DGLUCY: variants seen among roughly 807,000 people sequenced by gnomAD.
DGLUCY encodes D-glutamate cyclase, mitochondrial.
DGLUCY carries 58 observed loss-of-function variants against 58.5 expected under a neutral mutation model. That is an observed-to-expected ratio of 0.99 (90% CI 0.80 to 1.23). The LOEUF (loss-of-function observed/expected upper bound fraction) is 1.23. Among genes scored for constraint, DGLUCY ranks in the 50% most tolerant of loss-of-function variants. The pLI is 0.00. For synonymous variants in DGLUCY, 325 were observed against 314.1 expected (o/e 1.03, Z -0.37); for missense variants, 779 against 784.7 (o/e 0.99, Z 0.09).
At chr14:91,116,145 G>A (rs901037861) in intron 1 of DGLUCY, among the ~76,000 whole-genome samples, 37 of 152,114 alleles carry the variant, frequency 2.4e-4, no homozygotes, top group African/African-American at 7.5e-4. Flanking sequence ...CTTTCCAGGC[G>A]ATCTGCCAAG....
At position 91,114,136 on chromosome 14, in the gene DGLUCY, C is replaced by G. The variant is rs1341512792; in HGVS notation, c.-229C>G. 6.6e-6 allele frequency: 1 copy of G among 152,332 alleles called. No individual in the cohort carries two copies. Among genetic ancestry groups the G allele is most frequent in the East Asian group, 1.9e-4 (1 of 5,208 alleles). The allele number at this position is 152,332 out of a possible 1,614,324, so 9.4% of individuals were successfully genotyped here. A position where few individuals can be genotyped will look rare whatever the true frequency, so the allele number is the denominator to read the frequency against. On this transcript the variant is annotated 5_prime_UTR_variant, in exon 1 of 14. Transcript: ENST00000256324. ...TGGGGCTGGCCTCAGCTTGTAGACC[C>G]GAGCCCTGCAGAACAACCCCCCGTG...
At chr14:91,120,722 T>C (rs2045305859) in intron 1 of DGLUCY, among the ~76,000 whole-genome samples, 1 of 152,172 alleles carries the variant, frequency 6.6e-6, no homozygotes, top group Non-Finnish European at 1.5e-5. Flanking sequence ...TGATAATTAT[T>C]TGTGATTCCT....
At chr14:91,131,874 G>A (rs2046042916) in intron 1 of DGLUCY, among the ~76,000 whole-genome samples, 1 of 152,136 alleles carries the variant, frequency 6.6e-6, no homozygotes, top group Non-Finnish European at 1.5e-5. Flanking sequence ...TCAGCTCACT[G>A]CAACCTCTGC....
chr14:91,187,367 C>A (rs908993311), intron 8 of DGLUCY, among the ~76,000 whole-genome samples: 1 of 152,204 alleles, frequency 6.6e-6, no homozygotes, highest in Non-Finnish European at 1.5e-5. Flanking sequence ...CCCTTCAGTC[C>A]ACTGCTGATT....
At chr14:91,161,129 G>T (rs879668876) in intron 3 of DGLUCY, among the ~76,000 whole-genome samples, 1 of 152,220 alleles carries the variant, frequency 6.6e-6, no homozygotes, top group Non-Finnish European at 1.5e-5. Context: ...GCAGTGATGC[G>T]ATCTGGGCTC....
chr14:91,088,251 T>C (rs1056414100), intron 1 of DGLUCY, among the ~76,000 whole-genome samples: 3 of 152,114 alleles, frequency 2.0e-5, no homozygotes, highest in East Asian at 1.9e-4. Context: ...GTAAAAGATA[T>C]GTGAAAAGGG....
At chr14:91,102,078 T>G (rs564148060) in intron 1 of DGLUCY, among the ~76,000 whole-genome samples, 66 of 152,250 alleles carry the variant, frequency 4.3e-4, no homozygotes, top group African/African-American at 1.5e-3. Context: ...GTGGTAGATA[T>G]CTCAGTTACC....
chr14:91,145,465 T>C (rs1028287300), intron 1 of DGLUCY, among the ~76,000 whole-genome samples: 1 of 152,194 alleles, frequency 6.6e-6, no homozygotes, highest in African/African-American at 2.4e-5. Flanking sequence ...GAGACACTGA[T>C]GAATGCATCT....
rs769302026 is a variant in DGLUCY, at chr14:91,167,360, G to T, written c.239G>T (p.Gly80Val). Residue 80 changes from glycine (G) to valine (V), a missense_variant, in exon 4 of 14, where the codon GGT becomes GTT. Transcript: ENST00000256324. Reference protein sequence around the residue: ...EPEKWMLPPQGAISETRMGHP... With the variant: ...EPEKWMLPPQVAISETRMGHP... ...GAAAAGTGGATGCTGCCCCCTCAAG[G>T]TGCTATCTCAGAGACCAGGTAAAAA... 1.9e-6 allele frequency: 3 copies of T among 1,614,108 alleles called. No individual in the cohort carries two copies. The highest frequency in any genetic ancestry group is 2.5e-6 in the Non-Finnish European group (3 of 1,180,022).
In DGLUCY at chr14:91,062,440, C is replaced by T. The variant is rs1011460730; in HGVS notation, c.-82+1736C>T. 2.0e-5 allele frequency among the ~76,000 whole-genome samples: 3 copies of T among 150,052 alleles called. No individual in the cohort carries two copies. The South Asian group carries it at 6.3e-4, about 32-fold the overall frequency. ...GTGGGCGCCTGTAATCCCAGCTACT[C>T]AGGAAGCTGAGGCAGGAGAATTGCT... On this transcript the variant is annotated intron_variant, in intron 1 of 4. Coordinates refer to the DGLUCY transcript ENST00000521334.
chr14:91,190,177 C>T (rs1403192986), intron 9 of DGLUCY, among the ~76,000 whole-genome samples: 4 of 151,334 alleles, frequency 2.6e-5, no homozygotes, highest in East Asian at 1.9e-4. Flanking sequence ...TTAGTAGAGA[C>T]GGGGTTTCAC....
intron 1 of DGLUCY, among the ~76,000 whole-genome samples, chr14:91,115,776 T>C (rs2044893976): frequency 6.6e-6 from 1 of 152,212 alleles, no homozygotes; most frequent in African/African-American, 2.4e-5. Context: ...GGCCAACTGG[T>C]GGCCCCTGAC....
intron 1 of DGLUCY, among the ~76,000 whole-genome samples, chr14:91,074,112 TATATATAC>T (rs1390748198): frequency 4.9e-5 from 3 of 60,708 alleles, no homozygotes; most frequent in African/African-American, 1.7e-4. Context: ...AAAATATATA[TATATATAC>T]ACACACACAC....
exon 1 of DGLUCY, chr14:91,060,362 G>C (rs770267401): frequency 6.7e-7 from 1 of 1,495,996 alleles, no homozygotes; most frequent in Non-Finnish European, 9.0e-7. Flanking sequence ...ACAGTGAGGA[G>C]CTGCTCTCCT....
intron 3 of DGLUCY, among the ~76,000 whole-genome samples, chr14:91,163,763 T>C (rs2048122083): frequency 6.6e-6 from 1 of 152,202 alleles, no homozygotes. Context: ...TTCATCTCTC[T>C]GAGCCTCGTT....
chr14:91,091,791 A>T (rs1346900961), intron 1 of DGLUCY, among the ~76,000 whole-genome samples: 1 of 152,136 alleles, frequency 6.6e-6, no homozygotes, highest in African/African-American at 2.4e-5. Context: ...TAATGACTGT[A>T]TCCGGGAATG....
At chr14:91,197,029 C>T (rs766115768) in intron 10 of DGLUCY, among the ~76,000 whole-genome samples, 3 of 152,066 alleles carry the variant, frequency 2.0e-5, no homozygotes, top group Non-Finnish European at 2.9e-5. Context: ...TGCAGTGGCG[C>T]GATCTCTGCT....
At chr14:91,066,529 T>C (rs1193476631) in intron 1 of DGLUCY, among the ~76,000 whole-genome samples, 1 of 152,112 alleles carries the variant, frequency 6.6e-6, no homozygotes, top group Non-Finnish European at 1.5e-5. Context: ...TGGTCTCACC[T>C]ATCCTTAGCT....
In DGLUCY at chr14:91,077,279, G is replaced by A. The variant is rs181578637; in HGVS notation, c.-82+16575G>A. 1.5e-4 allele frequency among the ~76,000 whole-genome samples: 22 copies of A among 150,408 alleles called. No homozygotes were observed. The East Asian group carries it at 4.3e-3, about 29-fold the overall frequency. On this transcript the variant is annotated intron_variant, in intron 1 of 4. Coordinates refer to the DGLUCY transcript ENST00000521334. ...GGAGAGAGAGAAAGAGAGAGAGAGA[G>A]AGAGAAACAAAGAGGAAAGAAGAAA...
Sources: allele counts gnomAD v4.1 joint callset (sites outside exome capture counted in the v4.1 genomes callset), GRCh38; gene constraint gnomAD v4.1.1; transcripts MANE v1.5; gene names NCBI Gene and HGNC (gene_info 2026-07-23, HGNC 2026-07-21).